CDC123: variants seen among roughly 807,000 people sequenced by gnomAD.
The protein encoded by CDC123 is translation initiation factor eIF2 assembly protein.
In CDC123, 37 loss-of-function variants were observed where a neutral mutation model predicts 54.4. That is an observed-to-expected ratio of 0.68 (90% CI 0.52 to 0.89). The LOEUF (loss-of-function observed/expected upper bound fraction) is 0.89. Among genes scored for constraint, CDC123 ranks in the 40% least tolerant of loss-of-function variants. The pLI, the probability that CDC123 is intolerant of heterozygous loss-of-function variation, is 0.00. For missense variants in CDC123, 361 were observed against 412.1 expected, an observed-to-expected ratio of 0.88 and a Z score of 1.07; for synonymous variants, 144 against 136.8, an observed-to-expected ratio of 1.05 and a Z score of -0.37.
intron 6 of CDC123, among the ~76,000 whole-genome samples, chr10:12,219,899 AG>A (rs1835712720): frequency 6.6e-6 from 1 of 152,174 alleles, no homozygotes; most frequent in Admixed American, 6.5e-5. Context: ...CACGTTAGCC[AG>A]GATGGTCTCC....
chr10:12,246,035 A>G (rs1836130335), intron 10 of CDC123, 114 bp from the exon 11 acceptor site: 1 of 1,135,382 alleles, frequency 8.8e-7, no homozygotes, highest in African/African-American at 1.5e-5. Context: ...ACACCAGTGC[A>G]CTGCAGCCTG....
At chr10:12,231,909 G>A (rs960425290) in intron 7 of CDC123, among the ~76,000 whole-genome samples, 8 of 151,768 alleles carry the variant, frequency 5.3e-5, no homozygotes, top group Non-Finnish European at 1.0e-4. Context: ...GCAGTGGCGC[G>A]ATCTCAGCTC....
At chr10:12,198,249 G>C (rs1835392489) in intron 1 of CDC123, among the ~76,000 whole-genome samples, 1 of 152,166 alleles carries the variant, frequency 6.6e-6, no homozygotes, top group East Asian at 1.9e-4. Context: ...TTAGCGGTAG[G>C]TGCTCACTGC....
chr10:12,245,868 C>T (rs1316748115), intron 10 of CDC123: 1 of 248,758 alleles, frequency 4.0e-6, no homozygotes. Context: ...CCCAAGAGTT[C>T]AAGACCAGCC....
At chr10:12,235,025 A>G in intron 7 of CDC123, 23 bp from the exon 8 acceptor site, 1 of 1,594,928 alleles carries the variant, frequency 6.3e-7, no homozygotes, top group Non-Finnish European at 8.6e-7. Context: ...TGTTATATTA[A>G]ATATTTTTTC....
chr10:12,217,949 C>T (rs1279589536), intron 6 of CDC123, among the ~76,000 whole-genome samples: 2 of 152,078 alleles, frequency 1.3e-5, no homozygotes, highest in South Asian at 2.1e-4. Context: ...ATTAGCCGGG[C>T]GTGGTGGCAC....
intron 4 of CDC123, 125 bp downstream of exon 4, chr10:12,210,447 T>G (rs781616054): frequency 2.6e-6 from 3 of 1,173,332 alleles, no homozygotes; most frequent in Non-Finnish European, 3.5e-6. Context: ...TTATTTTCCC[T>G]GTGGGCTGTC....
rs79117840 is a variant in CDC123, at chr10:12,199,595, G to A, written c.146+819G>A. ...TGGATGAAGGAACTATAGAAATACAGTAAGAATTGTGTGTTTTCAGTACTA... is the reference window on the plus strand; with the variant it reads ...TGGATGAAGGAACTATAGAAATACAATAAGAATTGTGTGTTTTCAGTACTA... On this transcript the variant is annotated intron_variant, in intron 2 of 12. Transcript: ENST00000281141. Among the ~76,000 whole-genome samples, 65 of 152,274 alleles carry A rather than the reference G, an allele frequency of 4.3e-4. No homozygotes were observed. In the East Asian group the frequency reaches 0.011, roughly 26 times the overall value.
intron 10 of CDC123, among the ~76,000 whole-genome samples, chr10:12,244,417 G>A (rs75928187): frequency 0.072 from 10,906 of 152,254 alleles, 748 homozygotes; most frequent in East Asian, 0.24. Context: ...GTTCGTGATC[G>A]GATGCCGTGG....
intron 6 of CDC123, among the ~76,000 whole-genome samples, chr10:12,225,151 T>C (rs1259154823): frequency 1.3e-5 from 2 of 152,158 alleles, no homozygotes; most frequent in East Asian, 3.9e-4. Context: ...TCCCAGCACT[T>C]TGGGAGGCCG....
At chr10:12,209,709 C>T (rs901571336) in intron 2 of CDC123, among the ~76,000 whole-genome samples, 3 of 152,102 alleles carry the variant, frequency 2.0e-5, no homozygotes, top group Non-Finnish European at 4.4e-5. Flanking sequence ...GGACTACAGG[C>T]GCATGCCACC....
intron 5 of CDC123, 44 bp downstream of exon 5, chr10:12,215,879 G>T: frequency 7.7e-7 from 1 of 1,294,800 alleles, no homozygotes; most frequent in Non-Finnish European, 1.1e-6. Context: ...AATATTCTTT[G>T]TTTTGCTGTT....
chr10:12,250,486 A>G lies in CDC123; in HGVS notation c.*149A>G, dbSNP rs1836226867. Reference sequence around the variant, plus strand: ...TATATTCATGTACATTCACCTGGGGAAAAAAACGGAGGGACTTTGCTACTT... The same window carrying G: ...TATATTCATGTACATTCACCTGGGGGAAAAAACGGAGGGACTTTGCTACTT... On this transcript the variant is annotated 3_prime_UTR_variant, in exon 13 of 13. Transcript: ENST00000281141. 1.4e-6 allele frequency: 1 copy of G among 712,068 alleles called. No individual in the cohort carries two copies. The highest frequency in any genetic ancestry group is 1.5e-5 in the South Asian group (1 of 66,154). 44.1% of individuals were successfully genotyped at this position (712,068 alleles called of 1,614,324 possible). A position where few individuals can be genotyped will look rare whatever the true frequency, so the allele number is the denominator to read the frequency against.
intron 4 of CDC123, among the ~76,000 whole-genome samples, chr10:12,213,027 G>T (rs1235827209): frequency 6.6e-6 from 1 of 152,118 alleles, no homozygotes; most frequent in South Asian, 2.1e-4. Flanking sequence ...TGTCTTTATA[G>T]TACTAAAGGC....
chr10:12,207,534 G>A (rs922538245), intron 2 of CDC123, among the ~76,000 whole-genome samples: 1 of 152,076 alleles, frequency 6.6e-6, no homozygotes, highest in South Asian at 2.1e-4. Flanking sequence ...ATATTTAAGA[G>A]TGAGGAGGAC....
At chr10:12,233,706 A>T (rs1195008155) in intron 7 of CDC123, among the ~76,000 whole-genome samples, 1 of 152,076 alleles carries the variant, frequency 6.6e-6, no homozygotes, top group Admixed American at 6.6e-5. Context: ...GTATTTTTTT[A>T]AAAAGCAGAT....
chr10:12,222,915 G>A (rs1437436732), intron 6 of CDC123, among the ~76,000 whole-genome samples: 2 of 150,604 alleles, frequency 1.3e-5, no homozygotes, highest in African/African-American at 4.9e-5. Context: ...TTTTTGAGAC[G>A]GAGTCTCGCT....
intron 6 of CDC123, among the ~76,000 whole-genome samples, chr10:12,219,690 G>GT (rs56171325): frequency 0.32 from 45,826 of 144,210 alleles, 8,532 homozygotes; most frequent in East Asian, 0.54. Flanking sequence ...ACTGATAATG[G>GT]TTTTTTTTTT....
At chr10:12,211,971 C>G (rs1835608669) in intron 4 of CDC123, among the ~76,000 whole-genome samples, 1 of 152,156 alleles carries the variant, frequency 6.6e-6, no homozygotes, top group African/African-American at 2.4e-5. Flanking sequence ...GCCTGTAATA[C>G]CGGCTACTTG....
Sources: allele counts gnomAD v4.1 joint callset (sites outside exome capture counted in the v4.1 genomes callset), GRCh38; gene constraint gnomAD v4.1.1; transcripts MANE v1.5; gene names NCBI Gene and HGNC (gene_info 2026-07-23, HGNC 2026-07-21).